The following RUSC2 variants were observed in gnomAD, a reference collection of about 807,000 sequenced individuals.
The protein encoded by RUSC2 is AP-4 complex accessory subunit RUSC2.
A neutral mutation model predicts 122.2 loss-of-function variants in RUSC2; 34 were observed. That is an observed-to-expected ratio of 0.28 (90% CI 0.21 to 0.37). The LOEUF (loss-of-function observed/expected upper bound fraction) is 0.37. RUSC2 is among the 10% of genes least tolerant of loss of function. The probability of loss-of-function intolerance (pLI) is 1.00; values close to 1 mark genes in which losing one functional copy is unlikely to be tolerated. For missense variants in RUSC2, 1,747 were observed against 1,952.4 expected (o/e 0.89, Z 1.98); for synonymous variants, 784 against 790.0 (o/e 0.99, Z 0.13).
intron 1 of RUSC2, among the ~76,000 whole-genome samples, chr9:35,523,067 G>A (rs1821246243): frequency 6.6e-6 from 1 of 152,164 alleles, no homozygotes; most frequent in Admixed American, 6.5e-5. Flanking sequence ...TTCTTGGACA[G>A]TTCCCAAAAC....
intron 1 of RUSC2, among the ~76,000 whole-genome samples, chr9:35,518,128 T>C (rs1188662764): frequency 2.0e-5 from 3 of 152,220 alleles, no homozygotes; most frequent in African/African-American, 4.8e-5. Flanking sequence ...TTTCTAAGGC[T>C]GCACTGTTGT....
At chr9:35,516,022 A>AAAAAAAAAAAAAAGAGAG (rs1554724501) in intron 1 of RUSC2, among the ~76,000 whole-genome samples, 2 of 127,114 alleles carry the variant, frequency 1.6e-5, no homozygotes, top group African/African-American at 2.9e-5. Context: ...AAAAAAAAAA[A>AAAAAAAAAAAAAAGAGAG]AGAGAAATGC....
intron 1 of RUSC2, among the ~76,000 whole-genome samples, chr9:35,530,831 G>T (rs1004049804): frequency 1.3e-5 from 2 of 151,744 alleles, no homozygotes; most frequent in Non-Finnish European, 2.9e-5. Flanking sequence ...TAGAGACAGG[G>T]TTTCACCACG....
Position 35,561,388 on chromosome 9 carries a change from T to G in RUSC2, c.*6T>G. 1 of 1,603,226 alleles carries G rather than the reference T, an allele frequency of 6.2e-7. No homozygotes were observed. The highest frequency in any genetic ancestry group is 8.5e-7 in the Non-Finnish European group (1 of 1,174,234). On this transcript the variant is annotated 3_prime_UTR_variant, in exon 12 of 12. Coordinates refer to ENST00000361226, the MANE Select transcript of RUSC2 (RefSeq NM_014806.5). ...CTGGAAGCAGCCAAAACTGAGGCCC[T>G]GTGCATGCTGGTGGCCTCAGGGACC...
rs1316345645 is a variant in RUSC2 at position 35,553,767 on chromosome 9, G to C, written c.2015-1293G>C. On this transcript the variant is annotated intron_variant, in intron 2 of 11. Coordinates refer to ENST00000361226, the MANE Select transcript of RUSC2 (RefSeq NM_014806.5). ...GTGTAAGCAGTGACTGGGTATAGCA[G>C]GAGGGTGGAGCTTGAAAGTGTCCCC... 5.9e-5 allele frequency among the ~76,000 whole-genome samples: 9 copies of C among 152,198 alleles called. No homozygotes were observed. In the East Asian group the frequency reaches 1.7e-3, roughly 29 times the overall value.
chr9:35,558,314 A>G lies in RUSC2; in HGVS notation c.3178A>G (p.Ile1060Val), dbSNP rs1470505150. The G allele has an allele frequency of 2.5e-6, 4 of 1,614,184 alleles. No homozygotes were observed. The highest frequency in any genetic ancestry group is 3.4e-6 in the Non-Finnish European group (4 of 1,180,026). The change falls in exon 7 of 12, where the codon ATC (isoleucine) becomes GTC (valine). Residue 1060 changes from isoleucine (I) to valine (V), a missense_variant. Transcript: ENST00000361226. This position sits in a 1 kb window ranked among gnomAD's most constrained non-coding sequence, Gnocchi z 4.3. ...DGLKAFVLDV[I>V]IGQRKNMPWS... Reference sequence around the variant, plus strand: ...GCTCAAGGCCTTTGTACTGGACGTCATCATCGGGCAGCGTAAGAACATGCC... The same window carrying G: ...GCTCAAGGCCTTTGTACTGGACGTCGTCATCGGGCAGCGTAAGAACATGCC...
At chr9:35,515,213 AC>A (rs10714018) in intron 1 of RUSC2, among the ~76,000 whole-genome samples, 7,365 of 152,270 alleles carry the variant, frequency 0.048, 634 homozygotes, top group African/African-American at 0.17. Context: ...CAAAGATTTA[AC>A]ATTAAAAATC....
At chr9:35,554,982 C>T in intron 2 of RUSC2, 78 bp from the exon 3 acceptor site, 1 of 1,551,064 alleles carries the variant, frequency 6.4e-7, no homozygotes, top group East Asian at 2.2e-5. Context: ...CTCCCCTCTC[C>T]CATCTCTGCT....
intron 1 of RUSC2, among the ~76,000 whole-genome samples, chr9:35,502,595 A>G (rs1820836408): frequency 6.6e-6 from 1 of 152,226 alleles, no homozygotes. Flanking sequence ...TTTTCTGAAA[A>G]AAATTCTTTT....
At chr9:35,531,227 G>A (rs1173241080) in intron 1 of RUSC2, among the ~76,000 whole-genome samples, 2 of 152,140 alleles carry the variant, frequency 1.3e-5, no homozygotes, top group Non-Finnish European at 1.5e-5. Context: ...CACCACTGCA[G>A]TCCAGCCTGG....
At chr9:35,517,685 C>G (rs540109770) in intron 1 of RUSC2, among the ~76,000 whole-genome samples, 3 of 152,196 alleles carry the variant, frequency 2.0e-5, no homozygotes, top group Non-Finnish European at 2.9e-5. Context: ...GATTATAGGC[C>G]TGAAAGAAGG....
In RUSC2 at chr9:35,499,295, A is replaced by G. The variant is rs540028872; in HGVS notation, c.-93+9123A>G. ...GAGTGAAACTCTCAAAAACAAAAAC[A>G]AAAAACAAAATAGTAGTGAGTCATC... On this transcript the variant is annotated intron_variant, in intron 1 of 11. Coordinates refer to ENST00000361226, the MANE Select transcript of RUSC2 (RefSeq NM_014806.5). Among the ~76,000 whole-genome samples, 14 of 152,332 alleles carry G rather than the reference A, an allele frequency of 9.2e-5. No individual in the cohort carries two copies. The East Asian group carries it at 2.7e-3, about 29-fold the overall frequency.
rs1822141624 is a variant in RUSC2 at position 35,560,834 on chromosome 9, G to A, written c.4194G>A (p.Glu1398=). 6.5e-7 allele frequency: 1 copy of A among 1,533,030 alleles called. No individual in the cohort carries two copies. The highest frequency in any genetic ancestry group is 8.8e-7 in the Non-Finnish European group (1 of 1,142,410). 95.0% of individuals were successfully genotyped at this position (1,533,030 alleles called of 1,614,324 possible). A position where few individuals can be genotyped will look rare whatever the true frequency, so the allele number is the denominator to read the frequency against. Residue 1398 remains glutamate, a synonymous_variant, in exon 10 of 12, where the codon GAG becomes GAA. Coordinates refer to ENST00000361226, the MANE Select transcript of RUSC2 (RefSeq NM_014806.5). ...TTGGCTCCCGAAAAGCCCAGCGGGA[G>A]GCCCGGCCCACAAATAGGTGAGAGC... ...HLFGSRKAQR[E]ARPTNRLPSD... is the part of the protein sequence containing the mutation.
intron 1 of RUSC2, among the ~76,000 whole-genome samples, chr9:35,537,620 G>A (rs1038029479): frequency 6.6e-6 from 1 of 152,212 alleles, no homozygotes; most frequent in African/African-American, 2.4e-5. Context: ...GGACACATGG[G>A]TGTCACAGGG....
chr9:35,557,900 A>G lies in RUSC2; in HGVS notation c.2984-14A>G, dbSNP rs936124241. On this transcript the variant is annotated splice_polypyrimidine_tract_variant and intron_variant, in intron 5 of 11. Coordinates refer to ENST00000361226, the MANE Select transcript of RUSC2 (RefSeq NM_014806.5). This position sits in a 1 kb window ranked among gnomAD's most constrained non-coding sequence, Gnocchi z 4.6. ...CTTGCTCAGGGACCTGTCACATCAC[A>G]TTCTTCCCTGCAGGGCTGGTAAAAG... 1.3e-5 allele frequency: 21 copies of G among 1,613,506 alleles called. No individual in the cohort carries two copies. The highest frequency in any genetic ancestry group is 2.2e-5 in the South Asian group (2 of 91,080).
chr9:35,561,184 G>A lies in RUSC2; in HGVS notation c.4353G>A (p.Glu1451=). The A allele has an allele frequency of 8.7e-6, 14 of 1,614,030 alleles. No homozygotes were observed. Among genetic ancestry groups the A allele is most frequent in the Non-Finnish European group, 1.2e-5 (14 of 1,179,964 alleles). The change falls in exon 12 of 12, where the codon GAG becomes GAA. Residue 1451 remains glutamate, a synonymous_variant. Transcript: ENST00000361226. The stretch of plus-strand genomic sequence containing the variant: ...CCTCCATGTGCTGTTTCCCCAGTGA[G>A]GTGCAGGCACTGTGCCACCACCTGG... ...SPALPSSPPC[E]VQALCHHLAT... is the part of the protein sequence containing the mutation.
At chr9:35,525,115 TG>T (rs994937524) in intron 1 of RUSC2, among the ~76,000 whole-genome samples, 5 of 152,220 alleles carry the variant, frequency 3.3e-5, no homozygotes, top group African/African-American at 1.2e-4. Context: ...GGCCTTTTTT[TG>T]TGTGGGGAAA....
intron 1 of RUSC2, among the ~76,000 whole-genome samples, chr9:35,506,162 G>A (rs1417493987): frequency 6.6e-6 from 1 of 152,118 alleles, no homozygotes; most frequent in African/African-American, 2.4e-5. Flanking sequence ...CAATGGGGAC[G>A]GGCTTGCTTT....
intron 1 of RUSC2, among the ~76,000 whole-genome samples, chr9:35,499,303 A>C (rs1587834824): frequency 6.6e-6 from 1 of 152,182 alleles, no homozygotes; most frequent in Non-Finnish European, 1.5e-5. Flanking sequence ...ACAAAAAACA[A>C]AATAGTAGTG....
Sources: allele counts gnomAD v4.1 joint callset (sites outside exome capture counted in the v4.1 genomes callset), GRCh38; gene constraint gnomAD v4.1.1; non-coding constraint Gnocchi (gnomAD v3.1); transcripts MANE v1.5; gene names NCBI Gene and HGNC (gene_info 2026-07-23, HGNC 2026-07-21).